C1orf159: variants seen among roughly 807,000 people sequenced by gnomAD.
The protein encoded by C1orf159 is chromosome 1 open reading frame 159.
C1orf159 carries 19 observed loss-of-function variants against 25.6 expected under a neutral mutation model. The observed-to-expected ratio is 0.74, with a 90% confidence interval of 0.52 to 1.09. The LOEUF is 1.09. C1orf159 is among the 50% of genes least tolerant of loss of function. The pLI is 0.00. For missense variants in C1orf159, 274 were observed against 290.6 expected (o/e 0.94, Z 0.42); for synonymous variants, 139 against 124.7 (o/e 1.12, Z -0.77).
chr1:1,084,966 C>T (rs1160420682), intron 7 of C1orf159, among the ~76,000 whole-genome samples: 2 of 152,164 alleles, frequency 1.3e-5, no homozygotes, highest in African/African-American at 4.8e-5. Context: ...GCCGTGGCAT[C>T]GTGGCCAACC....
intron 1 of C1orf159, among the ~76,000 whole-genome samples, chr1:1,102,739 A>G (rs1646119844): frequency 6.6e-6 from 1 of 150,986 alleles, no homozygotes; most frequent in Non-Finnish European, 1.5e-5. Flanking sequence ...CAGAAGTTGC[A>G]GTGAGACGAG....
chr1:1,106,745 C>G (rs1007250608), intron 1 of C1orf159: 1 of 153,242 alleles, frequency 6.5e-6, no homozygotes. Context: ...CTGGGCTGGC[C>G]GAGGCCGGAG....
intron 1 of C1orf159, among the ~76,000 whole-genome samples, chr1:1,103,701 T>C (rs533411315): frequency 3.9e-4 from 59 of 152,332 alleles, no homozygotes; most frequent in African/African-American, 1.3e-3. Context: ...TGCCTGCTCC[T>C]GGAACAAGGA....
intron 2 of C1orf159, 156 bp downstream of exon 2, chr1:1,091,835 G>A (rs1349892715): frequency 2.6e-5 from 13 of 500,854 alleles, no homozygotes; most frequent in Admixed American, 1.4e-4. Context: ...GGGCGGGGCC[G>A]CGGCAGATGA....
rs1645858312 is a variant in C1orf159, at chr1:1,087,895, C to T, written c.149-298G>A. ...CCCCGAGTACTCCACGCTGCACTCT[C>T]CACGCCGAGCACCCCAGCCCCGAGT... On this transcript the variant is annotated intron_variant, in intron 4 of 9. Coordinates refer to ENST00000421241, the MANE Select transcript of C1orf159 (RefSeq NM_017891.5). The surrounding 1 kb of genome is among the most constrained non-coding windows in gnomAD (Gnocchi z 8.3). 6.7e-6 allele frequency among the ~76,000 whole-genome samples: 1 copy of T among 148,342 alleles called. No individual in the cohort carries two copies. Among genetic ancestry groups the T allele is most frequent in the South Asian group, 2.1e-4 (1 of 4,654 alleles).
chr1:1,093,075 CCTCT>C (rs1269035480), intron 1 of C1orf159, among the ~76,000 whole-genome samples: 1 of 152,116 alleles, frequency 6.6e-6, no homozygotes, highest in Non-Finnish European at 1.5e-5. Flanking sequence ...TTCAGCTCCT[CCTCT>C]CTGATGTGAA....
intron 1 of C1orf159, among the ~76,000 whole-genome samples, chr1:1,108,324 T>C (rs1380124216): frequency 1.6e-5 from 2 of 124,480 alleles, no homozygotes; most frequent in African/African-American, 7.1e-5. Flanking sequence ...CCACCATGTC[T>C]CAGCAGCACC....
At chr1:1,090,881 G>A in intron 3 of C1orf159, 2 of 1,549,902 alleles carry the variant, frequency 1.3e-6, no homozygotes, top group East Asian at 2.4e-5. Flanking sequence ...CTTACGGTGT[G>A]TGTGAGGGCC....
At chr1:1,102,809 T>C (rs1646121434) in intron 1 of C1orf159, among the ~76,000 whole-genome samples, 1 of 151,096 alleles carries the variant, frequency 6.6e-6, no homozygotes, top group Non-Finnish European at 1.5e-5. Context: ...AATAAATAAA[T>C]AAAATAAAAT....
chr1:1,087,549 C>T lies in C1orf159; in HGVS notation c.197G>A (p.Cys66Tyr), dbSNP rs1282712823. The change falls in exon 5 of 10, where the codon TGT (cysteine) becomes TAT (tyrosine). Residue 66 changes from cysteine (C) to tyrosine (Y), a missense_variant. Transcript: ENST00000421241. The surrounding 1 kb of genome is among the most constrained non-coding windows in gnomAD (Gnocchi z 8.3). ...NADGSASCVR[C>Y]GNGTLPAYNG... ...GTAGGCTGGGAGGGTTCCGTTCCCA[C>T]AGCGGACGCAGCTGGCGCTCCCGTC... is the stretch of plus-strand genomic sequence containing the variant. 2 of 1,549,376 alleles carry T rather than the reference C, an allele frequency of 1.3e-6. No individual in the cohort carries two copies. Among genetic ancestry groups the T allele is most frequent in the South Asian group, 1.2e-5 (1 of 84,060 alleles).
intron 3 of C1orf159, 134 bp from the exon 4 acceptor site, chr1:1,090,562 CG>C: frequency 1.0e-6 from 1 of 959,644 alleles, no homozygotes; most frequent in Non-Finnish European, 1.6e-6. Context: ...GAGTCAGCAT[CG>C]GGTGGCCCTC....
chr1:1,113,781 TG>T (rs1465301846), intron 1 of C1orf159, among the ~76,000 whole-genome samples: 2 of 152,210 alleles, frequency 1.3e-5, no homozygotes, highest in African/African-American at 4.8e-5. Flanking sequence ...TCTTCCACGC[TG>T]GAGGCTTCCG....
intron 1 of C1orf159, among the ~76,000 whole-genome samples, chr1:1,111,772 C>T (rs981249832): frequency 2.8e-4 from 43 of 152,246 alleles, no homozygotes; most frequent in Admixed American, 2.1e-3. Context: ...AACACAGCCC[C>T]GAGGGCTGGC....
chr1:1,097,583 A>AT (rs1557428880), intron 1 of C1orf159, among the ~76,000 whole-genome samples: 2 of 137,840 alleles, frequency 1.5e-5, no homozygotes, highest in Non-Finnish European at 3.0e-5. Context: ...CAGCTCATTA[A>AT]ATTTTTTTTT....
intron 1 of C1orf159, among the ~76,000 whole-genome samples, chr1:1,108,764 T>C (rs71509467): frequency 7.2e-3 from 158 of 22,084 alleles, no homozygotes; most frequent in Middle Eastern, 0.036. Flanking sequence ...GCAGCACCGT[T>C]CACCACAGCC....
At chr1:1,114,596 G>A (rs1431935927) in intron 1 of C1orf159, among the ~76,000 whole-genome samples, 2 of 152,212 alleles carry the variant, frequency 1.3e-5, no homozygotes, top group South Asian at 2.1e-4. Flanking sequence ...GCTTTTAGGA[G>A]GAGTACTGGG....
chr1:1,083,302 GC>G (rs1448011061), intron 9 of C1orf159: 13 of 335,662 alleles, frequency 3.9e-5, no homozygotes, highest in African/African-American at 1.9e-4. Context: ...ACCTCAGGGG[GC>G]GACAAGCAGG....
chr1:1,085,691 C>T (rs1557745762), intron 7 of C1orf159, among the ~76,000 whole-genome samples, 187 bp downstream of exon 7: 2 of 152,218 alleles, frequency 1.3e-5, no homozygotes, highest in African/African-American at 2.4e-5. Context: ...AATCCACACA[C>T]GGCTGTTTCC....
rs1415592488 is a variant in C1orf159 at position 1,092,043 on chromosome 1, T to G, written c.-75A>C. The G allele has an allele frequency of 2.2e-6, 1 of 455,962 alleles. No homozygotes were observed. The highest frequency in any genetic ancestry group is 4.4e-6 in the Non-Finnish European group (1 of 226,794). 28.2% of individuals were successfully genotyped at this position (455,962 alleles called of 1,614,324 possible). ...CATCAGCCCTTTGCCCGCCTGGGTG[T>G]TCAGGGGTTAGCTCTGGGAGCTCAT... On this transcript the variant is annotated 5_prime_UTR_variant, in exon 2 of 10. Transcript: ENST00000421241.
Sources: allele counts gnomAD v4.1 joint callset (sites outside exome capture counted in the v4.1 genomes callset), GRCh38; gene constraint gnomAD v4.1.1; non-coding constraint Gnocchi (gnomAD v3.1); transcripts MANE v1.5; gene names NCBI Gene and HGNC (gene_info 2026-07-23, HGNC 2026-07-21).